GOT2: variants seen among roughly 807,000 people sequenced by gnomAD.
The protein encoded by GOT2 is aspartate aminotransferase, mitochondrial.
In GOT2, 17 loss-of-function variants were observed where a neutral mutation model predicts 50.0. That is an observed-to-expected ratio of 0.34 (90% confidence interval 0.23 to 0.51). The LOEUF (loss-of-function observed/expected upper bound fraction) is 0.51, where lower values mean the gene tolerates loss of function less well. Among genes scored for constraint, GOT2 ranks in the 20% least tolerant of loss-of-function variants. The pLI, the probability that GOT2 is intolerant of heterozygous loss-of-function variation, is 0.97. For synonymous variants in GOT2, 172 were observed against 204.9 expected (o/e 0.84, Z 1.37); for missense variants, 430 against 559.6 (o/e 0.77, Z 2.34).
At chr16:58,711,485 C>G (rs1432918510) in intron 8 of GOT2, among the ~76,000 whole-genome samples, 1 of 152,146 alleles carries the variant, frequency 6.6e-6, no homozygotes, top group Non-Finnish European at 1.5e-5. Context: ...TGTTCACTTT[C>G]CTAAACCATC....
At chr16:58,709,204 AGT>A (rs1313666070) in intron 9 of GOT2, 1 of 438,270 alleles carries the variant, frequency 2.3e-6, no homozygotes, top group Non-Finnish European at 4.1e-6. Flanking sequence ...TGGAGGTTGC[AGT>A]GAGCTGAGAT....
At chr16:58,721,443 T>C in intron 3 of GOT2, among the ~76,000 whole-genome samples, 1 of 152,190 alleles carries the variant, frequency 6.6e-6, no homozygotes, top group Non-Finnish European at 1.5e-5. Context: ...CATGGCTTGT[T>C]TCCTGCTTGC....
At chr16:58,726,476 C>T (rs575581363) in intron 1 of GOT2, among the ~76,000 whole-genome samples, 11 of 80,258 alleles carry the variant, frequency 1.4e-4, no homozygotes, top group South Asian at 3.5e-4. Context: ...GAGCCGCCCC[C>T]GGCCTGCTTT....
In GOT2 at chr16:58,718,275, A is replaced by C. The variant is rs757781252; in HGVS notation, c.623T>G (p.Leu208Arg). The change falls in exon 6 of 10, where the codon CTT (leucine) becomes CGT (arginine). Residue 208 changes from leucine (L) to arginine (R), a missense_variant. Leu to Arg is a moderately radical substitution (Grantham distance 102, BLOSUM62 -2). Transcript: ENST00000245206. ...ISKIPEQSVL[L>R]LHACAHNPTG... ...GGGATTGTGGGCGCAGGCATGCAGA[A>C]GAAGAACACTCTGCTCTGGTATTTT... 1 of 1,613,760 alleles carries C rather than the reference A, an allele frequency of 6.2e-7. No individual in the cohort carries two copies. The highest frequency in any genetic ancestry group is 2.2e-5 in the East Asian group (1 of 44,880).
In GOT2 at chr16:58,723,864, G is replaced by C; in HGVS notation, c.128C>G (p.Pro43Arg). 1 of 1,613,564 alleles carries C rather than the reference G, an allele frequency of 6.2e-7. No homozygotes were observed. The highest frequency in any genetic ancestry group is 8.5e-7 in the Non-Finnish European group (1 of 1,179,572). Residue 43 changes from proline (P) to arginine (R), a missense_variant, in exon 2 of 10, where the codon CCC (proline) becomes CGC (arginine). Transcript: ENST00000245206. ...WTHVEMGPPD[P>R]ILGVTEAFKR... ...AAAGGCTTCAGTGACTCCCAGAATG[G>C]GATCTGGAGGTCCCATTTCCACATG...
intron 6 of GOT2, 42 bp from the exon 7 acceptor site, chr16:58,716,855 A>T (rs2044699568): frequency 1.3e-6 from 2 of 1,584,336 alleles, no homozygotes; most frequent in Middle Eastern, 1.7e-4. Flanking sequence ...AGTCTTTCTG[A>T]AGAGGCCCCA....
At chr16:58,714,725 A>G (rs2044678237) in intron 8 of GOT2, among the ~76,000 whole-genome samples, 1 of 152,112 alleles carries the variant, frequency 6.6e-6, no homozygotes. Flanking sequence ...AACAAAAAAC[A>G]AAACAAAACA....
chr16:58,727,367 GTTT>G (rs11423426), intron 1 of GOT2, among the ~76,000 whole-genome samples: 2 of 148,026 alleles, frequency 1.4e-5, no homozygotes, highest in African/African-American at 2.5e-5. Flanking sequence ...AATATAAAAG[GTTT>G]TTTTTTTTTT....
intron 8 of GOT2, 109 bp from the exon 9 acceptor site, chr16:58,709,676 C>A: frequency 2.4e-6 from 2 of 827,056 alleles, no homozygotes; most frequent in Non-Finnish European, 3.7e-6. Flanking sequence ...TGCCTCAATT[C>A]TCAGGTCACG....
chr16:58,729,449 C>A, intron 1 of GOT2, among the ~76,000 whole-genome samples: 1 of 149,728 alleles, frequency 6.7e-6, no homozygotes, highest in East Asian at 2.0e-4. Context: ...GTCACTTAAG[C>A]CTAGTGTTTG....
At chr16:58,734,087 C>G in intron 1 of GOT2, 53 bp downstream of exon 1, 2 of 1,090,656 alleles carry the variant, frequency 1.8e-6, no homozygotes, top group Non-Finnish European at 1.2e-6. Flanking sequence ...GTGCTCGCAG[C>G]TCGGCGGGGC....
intron 1 of GOT2, among the ~76,000 whole-genome samples, chr16:58,727,665 G>A (rs971538107): frequency 1.3e-5 from 2 of 152,124 alleles, no homozygotes; most frequent in South Asian, 2.1e-4. Flanking sequence ...TGGGAGCCCT[G>A]AGCAGAGGAC....
chr16:58,716,930 C>A, intron 6 of GOT2, 117 bp from the exon 7 acceptor site: 1 of 865,468 alleles, frequency 1.2e-6, no homozygotes, highest in Non-Finnish European at 1.8e-6. Flanking sequence ...GCACAATAAG[C>A]CTTTTCTGGG....
At chr16:58,709,370 C>T in intron 9 of GOT2, 47 bp downstream of exon 9, 3 of 1,488,568 alleles carry the variant, frequency 2.0e-6, no homozygotes, top group East Asian at 2.3e-5. Flanking sequence ...TTCGGGTTTG[C>T]AAAGACTGAT....
At chr16:58,718,364 C>T in intron 5 of GOT2, 64 bp from the exon 6 acceptor site, 1 of 1,422,196 alleles carries the variant, frequency 7.0e-7, no homozygotes, top group South Asian at 1.2e-5. Flanking sequence ...ATCTGAAATG[C>T]CACAGGATCG....
chr16:58,734,308 G>T lies in GOT2; in HGVS notation c.-80C>A. On this transcript the variant is annotated 5_prime_UTR_variant, in exon 1 of 10. Coordinates refer to ENST00000245206, the MANE Select transcript of GOT2 (RefSeq NM_002080.4). ...ACACACACACAGGGAACCGGCTCCT[G>T]CTGAAGGTAAGGACAGGGACTTCCC... 2.6e-6 allele frequency: 2 copies of T among 766,962 alleles called. No individual in the cohort carries two copies. The highest frequency in any genetic ancestry group is 3.6e-6 in the Non-Finnish European group (2 of 555,486). The allele number at this position is 766,962 out of a possible 1,614,324, so 47.5% of individuals were successfully genotyped here.
At chr16:58,723,959 C>CTTAT in intron 1 of GOT2, 57 bp from the exon 2 acceptor site, 1 of 1,498,092 alleles carries the variant, frequency 6.7e-7, no homozygotes, top group South Asian at 1.2e-5. Flanking sequence ...ATCCATTTTA[C>CTTAT]TTATTTATTT....
chr16:58,715,614 G>A lies in GOT2; in HGVS notation c.1019+400C>T, dbSNP rs954651586. 6.6e-5 allele frequency among the ~76,000 whole-genome samples: 10 copies of A among 152,158 alleles called. No homozygotes were observed. In the East Asian group the frequency reaches 7.7e-4, roughly 12 times the overall value. Reference sequence around the variant, plus strand: ...GTTGCCCAGGCTGGAGTGCAATGGCGCAATCTCGGCTCACTGCAGCCTTCG... The same window carrying A: ...GTTGCCCAGGCTGGAGTGCAATGGCACAATCTCGGCTCACTGCAGCCTTCG... On this transcript the variant is annotated intron_variant, in intron 8 of 9. Coordinates refer to ENST00000245206, the MANE Select transcript of GOT2 (RefSeq NM_002080.4).
chr16:58,731,947 A>T (rs1389447518), intron 1 of GOT2, among the ~76,000 whole-genome samples: 2 of 152,242 alleles, frequency 1.3e-5, no homozygotes, highest in Non-Finnish European at 2.9e-5. Flanking sequence ...CCTTCATGCC[A>T]AATATGGCAT....
Sources: allele counts gnomAD v4.1 joint callset (sites outside exome capture counted in the v4.1 genomes callset), GRCh38; gene constraint gnomAD v4.1.1; transcripts MANE v1.5; gene names NCBI Gene and HGNC (gene_info 2026-07-23, HGNC 2026-07-21).